The following DIAPH2 variants were observed in gnomAD, a reference collection of about 807,000 sequenced individuals.
DIAPH2 encodes diaphanous related formin 2, also known as protein diaphanous homolog 2.
A neutral mutation model predicts 92.7 loss-of-function variants in DIAPH2; 35 were observed. The observed-to-expected ratio is 0.38, with a 90% CI of 0.29 to 0.50. The LOEUF (loss-of-function observed/expected upper bound fraction) is 0.50, where lower values mean the gene tolerates loss of function less well. Ranked by LOEUF, DIAPH2 falls within the 20% of genes least tolerant of loss-of-function variation. DIAPH2 has a pLI of 0.94. For synonymous variants in DIAPH2, 301 were observed against 280.4 expected (o/e 1.07, Z -0.73); for missense variants, 701 against 819.5 (o/e 0.86, Z 1.77).
chrX:96,960,486 A>T (rs1210337535), intron 16 of DIAPH2, among the ~76,000 whole-genome samples: 2 of 111,420 alleles, frequency 1.8e-5, no homozygotes, highest in Middle Eastern at 4.6e-3. Context: ...TTTATTAATT[A>T]TATGAGTTTT....
intron 23 of DIAPH2, among the ~76,000 whole-genome samples, chrX:97,269,775 A>C (rs1482632259): frequency 9.5e-6 from 1 of 104,972 alleles, no homozygotes; most frequent in Non-Finnish European, 1.9e-5. Context: ...TTTTTGAGAC[A>C]GAGTTTCAGT....
chrX:96,857,116 C>G (rs1473004863), intron 4 of DIAPH2, among the ~76,000 whole-genome samples: 2 of 111,286 alleles, frequency 1.8e-5, no homozygotes, highest in Non-Finnish European at 1.9e-5. Flanking sequence ...CATATTCTCA[C>G]AAGACATGAA....
At chrX:96,739,307 A>G (rs1760492191) in intron 3 of DIAPH2, among the ~76,000 whole-genome samples, 1 of 112,030 alleles carries the variant, frequency 8.9e-6, no homozygotes, top group South Asian at 3.8e-4. Flanking sequence ...AATGAATACC[A>G]TATTTTGAGT....
chrX:96,897,154 G>A (rs1569422749), intron 5 of DIAPH2, among the ~76,000 whole-genome samples: 1 of 111,362 alleles, frequency 9.0e-6, no homozygotes, highest in Non-Finnish European at 1.9e-5. Flanking sequence ...AAATTGCTAA[G>A]AGAAGAAATT....
chrX:97,559,332 A>G (rs1173525356), intron 26 of DIAPH2, among the ~76,000 whole-genome samples: 1 of 110,628 alleles, frequency 9.0e-6, no homozygotes, highest in Admixed American at 9.6e-5. Flanking sequence ...TCTACTAAAA[A>G]CACAAAAATT....
At chrX:97,455,042 A>T (rs771830615) in intron 26 of DIAPH2, among the ~76,000 whole-genome samples, 4 of 111,583 alleles carry the variant, frequency 3.6e-5, no homozygotes, top group Admixed American at 9.5e-5. Context: ...TGTATTTTCA[A>T]TAGATTGTCC....
intron 26 of DIAPH2, among the ~76,000 whole-genome samples, chrX:97,430,290 T>C (rs192149286): frequency 3.4e-3 from 381 of 112,154 alleles, no homozygotes; most frequent in African/African-American, 0.012. Context: ...AAAGCCACAC[T>C]ATGAAAATAG....
chrX:97,374,103 GA>G (rs2069477287), intron 24 of DIAPH2, among the ~76,000 whole-genome samples: 1 of 109,451 alleles, frequency 9.1e-6, no homozygotes, highest in Non-Finnish European at 1.9e-5. Flanking sequence ...CTCACTGCCA[GA>G]AAAAAAAGAA....
intron 19 of DIAPH2, among the ~76,000 whole-genome samples, chrX:97,077,338 T>A (rs1432083777): frequency 1.8e-5 from 2 of 112,332 alleles, no homozygotes; most frequent in African/African-American, 6.5e-5. Flanking sequence ...AAAAGTAACA[T>A]CAATTTGCCA....
At chrX:97,157,084 G>A (rs996019494) in intron 22 of DIAPH2, among the ~76,000 whole-genome samples, 2 of 111,065 alleles carry the variant, frequency 1.8e-5, no homozygotes, top group Non-Finnish European at 3.8e-5. Context: ...GGAGACCGAG[G>A]TGGGCAGATC....
intron 4 of DIAPH2, among the ~76,000 whole-genome samples, chrX:96,809,602 T>A (rs2064659370): frequency 9.1e-6 from 1 of 110,026 alleles, no homozygotes; most frequent in South Asian, 3.9e-4. Context: ...TGTGCCATGT[T>A]GGTTTGCTGC....
rs769193773 is a variant in DIAPH2 at position 97,001,671 on chromosome X, CAAT to C, written c.2050+36467_2050+36469del. Among the ~76,000 whole-genome samples, 376 of 111,203 alleles carry C rather than the reference CAAT, an allele frequency of 3.4e-3. 4 individuals are homozygous for C. Among genetic ancestry groups the C allele is most frequent in the South Asian group, 0.014 (37 of 2,624 alleles). Reference sequence around the variant, plus strand: ...AAAAACAAAACAAAACAAAACAAAACAATAAAACACAAAGCCAAGTGTATTTAT... The same window carrying C: ...AAAAACAAAACAAAACAAAACAAAACAAAACACAAAGCCAAGTGTATTTAT... On this transcript the variant is annotated intron_variant, in intron 17 of 26. Coordinates refer to ENST00000324765, the MANE Select transcript of DIAPH2 (RefSeq NM_006729.5).
chrX:97,186,353 G>T (rs904689066), intron 22 of DIAPH2, among the ~76,000 whole-genome samples: 9 of 111,547 alleles, frequency 8.1e-5, no homozygotes, highest in Non-Finnish European at 1.7e-4. Flanking sequence ...ATTATTAATA[G>T]CCTTTTAATT....
rs1372297150 is a variant in DIAPH2, at chrX:97,599,489, A to G, written c.*172A>G. 3.2e-6 allele frequency: 1 copy of G among 314,176 alleles called. No homozygotes were observed. The highest frequency in any genetic ancestry group is 5.9e-6 in the Non-Finnish European group (1 of 169,455). 25.9% of individuals were successfully genotyped at this position (314,176 alleles called of 1,213,427 possible). A position where few individuals can be genotyped will look rare whatever the true frequency, so the allele number is the denominator to read the frequency against. On this transcript the variant is annotated 3_prime_UTR_variant, in exon 27 of 27. Coordinates refer to ENST00000324765, the MANE Select transcript of DIAPH2 (RefSeq NM_006729.5). ...GTAATACTATTGCAAGACTCCTCCC[A>G]CAATTATTCTAATCTGAACACAGTT... is the stretch of plus-strand genomic sequence containing the variant.
intron 26 of DIAPH2, among the ~76,000 whole-genome samples, chrX:97,531,858 C>G (rs1444753554): frequency 8.9e-6 from 1 of 112,375 alleles, no homozygotes. Flanking sequence ...AACTGAAACT[C>G]TCTAGAATCT....
At chrX:96,706,298 T>G (rs1466007082) in intron 1 of DIAPH2, among the ~76,000 whole-genome samples, 1 of 112,111 alleles carries the variant, frequency 8.9e-6, no homozygotes, top group Non-Finnish European at 1.9e-5. Flanking sequence ...CCTGCATCAC[T>G]CAATTATATC....
At chrX:97,058,935 T>C (rs937365340) in intron 17 of DIAPH2, among the ~76,000 whole-genome samples, 1 of 111,835 alleles carries the variant, frequency 8.9e-6, no homozygotes, top group African/African-American at 3.2e-5. Context: ...ATGTGGAAAA[T>C]ACCTTTTCAG....
At chrX:97,304,031 G>T (rs750681551) in intron 23 of DIAPH2, among the ~76,000 whole-genome samples, 2 of 111,703 alleles carry the variant, frequency 1.8e-5, no homozygotes, top group East Asian at 5.6e-4. Context: ...TTCAGGGGGA[G>T]AAAAAAATCA....
At chrX:96,868,246 G>A (rs1297356172) in intron 4 of DIAPH2, among the ~76,000 whole-genome samples, 1 of 112,154 alleles carries the variant, frequency 8.9e-6, no homozygotes, top group Non-Finnish European at 1.9e-5. Context: ...GTACTTCCTG[G>A]TAACAGTGTG....
Sources: gnomAD v4.1 joint callset for allele counts (sites outside exome capture counted in the v4.1 genomes callset) on GRCh38, gnomAD v4.1.1 for gene constraint, MANE v1.5 for transcripts, NCBI Gene and HGNC (gene_info 2026-07-23, HGNC 2026-07-21) for gene names.